ERCC8: variants seen among roughly 807,000 people sequenced by gnomAD.
ERCC8 encodes ERCC excision repair 8, CSA ubiquitin ligase complex subunit.
Under a neutral mutation model 54.9 loss-of-function variants are expected in ERCC8, and 52 were observed. The ratio of observed to expected loss-of-function variants is 0.95; its 90% confidence interval spans 0.76 to 1.19. The LOEUF (loss-of-function observed/expected upper bound fraction) is 1.19. Ranked by LOEUF, ERCC8 falls within the 50% of genes most tolerant of loss-of-function variation. The pLI is 0.00. For synonymous variants in ERCC8, 146 were observed against 157.2 expected, an observed-to-expected ratio of 0.93 and a Z score of 0.53; for missense variants, 514 against 466.1, an observed-to-expected ratio of 1.10 and a Z score of -0.95.
chr5:60,890,410 A>AAAAC, intron 10 of ERCC8, among the ~76,000 whole-genome samples: 1 of 152,356 alleles, frequency 6.6e-6, no homozygotes, highest in Admixed American at 6.5e-5. Flanking sequence ...ATCTGGATGT[A>AAAAC]AAACAAACAA....
chr5:60,891,616 G>A (rs552563550), intron 9 of ERCC8, among the ~76,000 whole-genome samples: 1 of 149,278 alleles, frequency 6.7e-6, no homozygotes. Flanking sequence ...CAAAAGAATG[G>A]TATTTTTTGG....
chr5:60,911,730 C>T (rs1749271937), intron 4 of ERCC8, among the ~76,000 whole-genome samples: 1 of 150,468 alleles, frequency 6.6e-6, no homozygotes, highest in Non-Finnish European at 1.5e-5. Flanking sequence ...TTAGGTCTAA[C>T]ATTTAAGTCT....
intron 3 of ERCC8, among the ~76,000 whole-genome samples, chr5:60,919,806 C>A (rs926952520): frequency 6.6e-6 from 1 of 151,836 alleles, no homozygotes; most frequent in Non-Finnish European, 1.5e-5. Flanking sequence ...AGGATGATCA[C>A]CTTTTTGGCT....
rs1300171588 is a variant in ERCC8 at position 60,871,392 on chromosome 5, A to G, written c.*3223T>C. Among the ~76,000 whole-genome samples, 3 of 152,240 alleles carry G rather than the reference A, an allele frequency of 2.0e-5. No homozygotes were observed. The highest frequency in any genetic ancestry group is 2.9e-5 in the Non-Finnish European group (2 of 68,036). ...TATCCCAGTTCTGCAAAATAAAAAT[A>G]CATCCCCTATATGTCTGCATAGATA... On this transcript the variant is annotated 3_prime_UTR_variant, in exon 12 of 12. Coordinates refer to ENST00000676185, the MANE Select transcript of ERCC8 (RefSeq NM_000082.4).
rs202185871 is a variant in ERCC8, at chr5:60,944,957, G to A, written c.52C>T (p.Leu18Phe). 23 of 1,613,966 alleles carry A rather than the reference G, an allele frequency of 1.4e-5. No homozygotes were observed. The highest frequency in any genetic ancestry group is 9.3e-5 in the African/African-American group (7 of 74,926). Residue 18 changes from leucine (L) to phenylalanine (F), a missense_variant, in exon 1 of 12, where the codon CTT (leucine) becomes TTT (phenylalanine). Physicochemically the swap from Leu to Phe is conservative, Grantham distance 22. Transcript: ENST00000676185. The stretch of plus-strand genomic sequence containing the variant: ...CTCCGTGTTGACTCTGCTCTCCGAA[G>A]GCGAAGAGGGTCCTCCAAACCCGTT... ...RQTGLEDPLR[L>F]RRAESTRRVL...
intron 9 of ERCC8, among the ~76,000 whole-genome samples, chr5:60,895,613 T>C (rs549291137): frequency 6.6e-6 from 1 of 152,310 alleles, no homozygotes; most frequent in South Asian, 2.1e-4. Context: ...CTAGATTAAT[T>C]CCTATACATG....
intron 3 of ERCC8, among the ~76,000 whole-genome samples, chr5:60,920,615 T>A (rs563271859): frequency 6.6e-6 from 1 of 152,012 alleles, no homozygotes; most frequent in South Asian, 2.1e-4. Flanking sequence ...GGATTGTAAA[T>A]CCTTCAGATG....
Position 60,903,630 on chromosome 5 carries a change from G to GAAATA in ERCC8, c.550+13_550+17dup, listed in dbSNP as rs1008673098. ...CGTTTACTCAAAGTAGTTGCCGTTT[G>GAAATA]AAATAAAATAAAAATACCCTGTAGA... On this transcript the variant is annotated intron_variant, in intron 6 of 11. Transcript: ENST00000676185. The GAAATA allele has an allele frequency of 1.2e-6, 2 of 1,611,866 alleles. No homozygotes were observed. Among genetic ancestry groups the GAAATA allele is most frequent in the Admixed American group, 1.7e-5 (1 of 59,894 alleles).
intron 9 of ERCC8, chr5:60,892,167 T>A: frequency 3.8e-6 from 2 of 520,990 alleles, no homozygotes; most frequent in East Asian, 9.9e-5. Context: ...TGGTCTACAT[T>A]GAGTTTAGCC....
chr5:60,886,830 C>G (rs1243905849), intron 11 of ERCC8, among the ~76,000 whole-genome samples: 4 of 151,426 alleles, frequency 2.6e-5, no homozygotes, highest in Non-Finnish European at 5.9e-5. Flanking sequence ...AAGACATAGT[C>G]AGAAATATTA....
intron 11 of ERCC8, among the ~76,000 whole-genome samples, chr5:60,880,841 G>A (rs564564565): frequency 7.8e-4 from 119 of 152,012 alleles, no homozygotes; most frequent in African/African-American, 2.2e-3. Flanking sequence ...TAGTTTGATC[G>A]TCTGAAGCCC....
In ERCC8 at chr5:60,928,369, T is replaced by G. The variant is rs558213928; in HGVS notation, c.173+495A>C. 4.6e-5 allele frequency among the ~76,000 whole-genome samples: 7 copies of G among 152,290 alleles called. No homozygotes were observed. The South Asian group carries it at 1.0e-3, about 23-fold the overall frequency. On this transcript the variant is annotated intron_variant, in intron 2 of 11. Transcript: ENST00000676185. ...ATTATCTCAATCTTCAAAACAAGCT[T>G]GTTAGGTAGGTACTATTGTTCCCAT...
rs1239771631 is a variant in ERCC8 at position 60,870,741 on chromosome 5, G to C, written c.*3874C>G. Among the ~76,000 whole-genome samples, 1 of 151,062 alleles carries C rather than the reference G, an allele frequency of 6.6e-6. No individual in the cohort carries two copies. Among genetic ancestry groups the C allele is most frequent in the Non-Finnish European group, 1.5e-5 (1 of 67,838 alleles). On this transcript the variant is annotated 3_prime_UTR_variant, in exon 12 of 12. Coordinates refer to ENST00000676185, the MANE Select transcript of ERCC8 (RefSeq NM_000082.4). ...TTTTAGATAATCCAAAAAAGAAGAA[G>C]GAAAAAGGAGAAGCAACAATTAGAC...
chr5:60,942,871 T>A (rs915383630), intron 1 of ERCC8, among the ~76,000 whole-genome samples: 1 of 152,216 alleles, frequency 6.6e-6, no homozygotes, highest in Non-Finnish European at 1.5e-5. Flanking sequence ...GTGTTCATCC[T>A]TTTGCTCTTA....
intron 1 of ERCC8, among the ~76,000 whole-genome samples, chr5:60,939,762 C>T (rs4647051): frequency 0.016 from 2,398 of 152,270 alleles, 75 homozygotes; most frequent in African/African-American, 0.055. Flanking sequence ...TCCCAAAGTG[C>T]TGGGATTACA....
chr5:60,878,762 CTTCT>C (rs1192257947), intron 11 of ERCC8, among the ~76,000 whole-genome samples: 2 of 151,750 alleles, frequency 1.3e-5, no homozygotes, highest in African/African-American at 2.4e-5. Context: ...GCTCTCTTTT[CTTCT>C]TTATTACTCT....
At chr5:60,892,104 TG>T in intron 9 of ERCC8, 1 of 525,506 alleles carries the variant, frequency 1.9e-6, no homozygotes. Flanking sequence ...TCTGCAGTAC[TG>T]GGCAGCAGTC....
At chr5:60,890,047 A>C (rs1303041035) in intron 10 of ERCC8, among the ~76,000 whole-genome samples, 2 of 152,032 alleles carry the variant, frequency 1.3e-5, no homozygotes, top group Non-Finnish European at 1.5e-5. Flanking sequence ...AGCCAGTAGG[A>C]TATATAAATA....
intron 9 of ERCC8, among the ~76,000 whole-genome samples, chr5:60,894,642 C>A (rs1000564152): frequency 2.0e-5 from 3 of 152,108 alleles, no homozygotes; most frequent in Non-Finnish European, 2.9e-5. Flanking sequence ...GACTTCCAGG[C>A]CCCACCCCAA....
Sources: gnomAD v4.1 joint callset for allele counts (sites outside exome capture counted in the v4.1 genomes callset) on GRCh38, gnomAD v4.1.1 for gene constraint, MANE v1.5 for transcripts, NCBI Gene and HGNC (gene_info 2026-07-23, HGNC 2026-07-21) for gene names.